The following KRT2 variants were observed in gnomAD, a reference collection of about 807,000 sequenced individuals.
KRT2 encodes the protein keratin, type II cytoskeletal 2 epidermal.
KRT2 carries 37 observed loss-of-function variants against 48.5 expected under a neutral mutation model. The ratio of observed to expected loss-of-function variants is 0.76; its 90% CI spans 0.59 to 1.00. The LOEUF is 1.00. Among genes scored for constraint, KRT2 ranks in the 50% least tolerant of loss-of-function variants. The pLI is 0.00. For missense variants in KRT2, 880 were observed against 815.2 expected (o/e 1.08, Z -0.97); for synonymous variants, 324 against 312.2 (o/e 1.04, Z -0.40).
chr12:52,647,879 T>C, intron 5 of KRT2, 24 bp from the exon 6 acceptor site: 1 of 1,613,966 alleles, frequency 6.2e-7, no homozygotes, highest in South Asian at 1.1e-5. Flanking sequence ...AAGAGGACAG[T>C]TTGCAAGGAA....
In KRT2 at chr12:52,647,776, C is replaced by T. The variant is rs749465675; in HGVS notation, c.1202G>A (p.Arg401His). ...EIKIEISELN[R>H]VIQRLQGEIA... is the part of the protein sequence containing the mutation. ...CTCCCCCTGCAGCCTCTGGATCACG[C>T]GGTTCAGCTCGCTGATCTCTATCTT... Residue 401 changes from arginine (R) to histidine (H), a missense_variant, in exon 6 of 9, where the codon CGC becomes CAC. Transcript: ENST00000309680. 20 of 1,613,884 alleles carry T rather than the reference C, an allele frequency of 1.2e-5. No individual in the cohort carries two copies. In the South Asian group the frequency reaches 1.9e-4, roughly 15 times the overall value.
rs977240203 is a variant in KRT2, at chr12:52,645,712, T to A, written c.1470-143A>T. 1.0e-5 allele frequency: 8 copies of A among 789,818 alleles called. No homozygotes were observed. The African/African-American group carries it at 1.2e-4, about 12-fold the overall frequency. The allele number at this position is 789,818 out of a possible 1,614,324, so 48.9% of individuals were successfully genotyped here. A position where few individuals can be genotyped will look rare whatever the true frequency, so the allele number is the denominator to read the frequency against. On this transcript the variant is annotated intron_variant, in intron 7 of 8. Coordinates refer to ENST00000309680, the MANE Select transcript of KRT2 (RefSeq NM_000423.3). ...TTACACACCCCACTTTCTTCTATGC[T>A]GCCAGGTCACACAATGACGACAGAC...
rs1243548021 is a variant in KRT2 at position 52,645,121 on chromosome 12, G to A, written c.1818C>T (p.Ser606=). ...HSSGGGSRGG[S]SSGGGYGSGG... Reference sequence around the variant, plus strand: ...CAGAGCCATATCCTCCTCCAGAGCTGGAGCCTCCTCTAGAGCCACCTCCAG... The same window carrying A: ...CAGAGCCATATCCTCCTCCAGAGCTAGAGCCTCCTCTAGAGCCACCTCCAG... Residue 606 remains serine (S), a synonymous_variant, in exon 9 of 9, where the codon TCC becomes TCT. Coordinates refer to ENST00000309680, the MANE Select transcript of KRT2 (RefSeq NM_000423.3). 6.2e-7 allele frequency: 1 copy of A among 1,613,490 alleles called. No individual in the cohort carries two copies. Among genetic ancestry groups the A allele is most frequent in the Non-Finnish European group, 8.5e-7 (1 of 1,179,952 alleles).
At position 52,651,640 on chromosome 12, in the gene KRT2, T is replaced by A. The variant is rs1252886330; in HGVS notation, c.503A>T (p.Asp168Val). Residue 168 changes from aspartate (D) to valine (V), a missense_variant, in exon 1 of 9, where the codon GAC becomes GTC. Asp to Val is a radical substitution (Grantham distance 152). Transcript: ENST00000309680. Reference protein sequence around the residue: ...SLLQPLNVKVDPEIQNVKAQE... With the variant: ...SLLQPLNVKVVPEIQNVKAQE... ...GGCCTTCACATTCTGGATCTCTGGG[T>A]CAACTTTCACGTTGAGAGGCTGCAG... 1 of 1,613,928 alleles carries A rather than the reference T, an allele frequency of 6.2e-7. No individual in the cohort carries two copies. Among genetic ancestry groups the A allele is most frequent in the African/African-American group, 1.3e-5 (1 of 74,876 alleles).
intron 4 of KRT2, among the ~76,000 whole-genome samples, chr12:52,648,736 C>G (rs1472784763): frequency 1.3e-5 from 2 of 152,162 alleles, no homozygotes; most frequent in Admixed American, 1.3e-4. Flanking sequence ...CAGGGCTTGT[C>G]TCTTCCCCAG....
At chr12:52,649,870 A>G in intron 3 of KRT2, 44 bp downstream of exon 3, 1 of 1,472,820 alleles carries the variant, frequency 6.8e-7, no homozygotes, top group Non-Finnish European at 9.5e-7. Flanking sequence ...GGGGCTGTGA[A>G]GCACTCCTAT....
intron 3 of KRT2, 53 bp from the exon 4 acceptor site, chr12:52,649,155 C>T: frequency 9.3e-7 from 1 of 1,079,060 alleles, no homozygotes; most frequent in Non-Finnish European, 1.4e-6. Flanking sequence ...AGGCCTCTTC[C>T]TCTCTCTGCC....
chr12:52,645,029 G>A lies in KRT2; in HGVS notation c.1910C>T (p.Ser637Phe). The A allele has an allele frequency of 6.2e-7, 1 of 1,613,966 alleles. No individual in the cohort carries two copies. ...GEAFGSSVTF[S>F]FR ...GGTGGGGGCTCATCTTTATCTAAAA[G>A]AGAAGGTCACGCTGGAACCAAAAGC... The change falls in exon 9 of 9, where the codon TCT becomes TTT. Residue 637 changes from serine (S) to phenylalanine (F), a missense_variant. Ser to Phe is a radical substitution (Grantham distance 155). Transcript: ENST00000309680.
intron 7 of KRT2, among the ~76,000 whole-genome samples, chr12:52,646,451 C>G (rs1941162425): frequency 6.6e-6 from 1 of 152,232 alleles, no homozygotes; most frequent in African/African-American, 2.4e-5. Flanking sequence ...TAGGACTAAC[C>G]TGTTTTCCCA....
At position 52,647,859 on chromosome 12, in the gene KRT2, A is replaced by C; in HGVS notation, c.1123-4T>G. 19 of 1,613,852 alleles carry C rather than the reference A, an allele frequency of 1.2e-5. No individual in the cohort carries two copies. Among genetic ancestry groups the C allele is most frequent in the Non-Finnish European group, 1.6e-5 (19 of 1,179,888 alleles). On this transcript the variant is annotated splice_polypyrimidine_tract_variant and splice_region_variant and intron_variant, in intron 5 of 8. Coordinates refer to ENST00000309680, the MANE Select transcript of KRT2 (RefSeq NM_000423.3). ...CAGTCACCTGGAGCTCCTCATACTG[A>C]TATGGGGAGAAGAGGACAGTTTGCA...
chr12:52,648,116 G>A (rs1565639252), intron 5 of KRT2, 57 bp downstream of exon 5: 2 of 1,560,440 alleles, frequency 1.3e-6, no homozygotes, highest in Non-Finnish European at 1.8e-6. Context: ...TCCAGCTGGG[G>A]GTGCAACCCA....
chr12:52,651,538 G>A lies in KRT2; in HGVS notation c.585+20C>T, dbSNP rs1307334166. On this transcript the variant is annotated intron_variant, in intron 1 of 8. Coordinates refer to ENST00000309680, the MANE Select transcript of KRT2 (RefSeq NM_000423.3). ...TGAAGTGGCCTGAGCATCAGTGGGAGCCGTCTTCTCCAGAGTCACCTTGTC... is the reference window on the plus strand; with the variant it reads ...TGAAGTGGCCTGAGCATCAGTGGGAACCGTCTTCTCCAGAGTCACCTTGTC... 3 of 1,562,366 alleles carry A rather than the reference G, an allele frequency of 1.9e-6. No homozygotes were observed. Among genetic ancestry groups the A allele is most frequent in the East Asian group, 2.2e-5 (1 of 44,638 alleles).
At position 52,651,730 on chromosome 12, in the gene KRT2, G is replaced by A; in HGVS notation, c.413C>T (p.Pro138Leu). The A allele has an allele frequency of 3.1e-6, 5 of 1,613,872 alleles. No individual in the cohort carries two copies. Among genetic ancestry groups the A allele is most frequent in the Non-Finnish European group, 3.4e-6 (4 of 1,179,948 alleles). ...GTATCCTCCAGGCCCAAAGCCACCA[G>A]GACCCCCTAAACCTCCAACACCACC... ...GPGGVGGLGG[P>L]GGFGPGGYPG... is the part of the protein sequence containing the mutation. Residue 138 changes from proline (P) to leucine (L), a missense_variant, in exon 1 of 9, where the codon CCT (proline) becomes CTT (leucine). Pro to Leu is a moderately conservative substitution (Grantham distance 98, BLOSUM62 -3). Transcript: ENST00000309680.
chr12:52,646,569 A>G (rs1941164351), intron 7 of KRT2, among the ~76,000 whole-genome samples, 171 bp downstream of exon 7: 2 of 152,148 alleles, frequency 1.3e-5, no homozygotes, highest in African/African-American at 2.4e-5. Context: ...TAACTCTCCA[A>G]TCATGCTTTA....
intron 2 of KRT2, 111 bp from the exon 3 acceptor site, chr12:52,650,085 C>G: frequency 1.2e-6 from 1 of 847,220 alleles, no homozygotes; most frequent in Admixed American, 1.8e-5. Flanking sequence ...ATATTACACA[C>G]TTTTTAAATA....
intron 5 of KRT2, 96 bp downstream of exon 5, chr12:52,648,077 C>CA (rs1267692135): frequency 1.2e-5 from 18 of 1,455,312 alleles, no homozygotes; most frequent in Middle Eastern, 1.7e-4. Flanking sequence ...TACCATTAAA[C>CA]AAAAAACCAA....
chr12:52,650,624 G>A, intron 1 of KRT2, 71 bp from the exon 2 acceptor site: 1 of 1,271,612 alleles, frequency 7.9e-7, no homozygotes, highest in Non-Finnish European at 1.1e-6. Context: ...CGCTGGCCAG[G>A]GGCAGCTCAG....
chr12:52,646,809 A>C lies in KRT2; in HGVS notation c.1400T>G (p.Met467Arg). 3.7e-6 allele frequency: 6 copies of C among 1,614,090 alleles called. No homozygotes were observed. Among genetic ancestry groups the C allele is most frequent in the Non-Finnish European group, 5.1e-6 (6 of 1,180,006 alleles). ...CACATCTAGGGCCAGCTTCACGTTC[A>C]TCAGCTCCTGGTAGTCACGCAGCAG... ...ARLLRDYQELMNVKLALDVEI... is the reference protein window; with the variant it reads ...ARLLRDYQELRNVKLALDVEI... The change falls in exon 7 of 9, where the codon ATG (methionine) becomes AGG (arginine). Residue 467 changes from methionine (M) to arginine (R), a missense_variant. By Grantham distance (91) the Met-to-Arg change is moderately conservative (BLOSUM62 -1). Coordinates refer to ENST00000309680, the MANE Select transcript of KRT2 (RefSeq NM_000423.3).
chr12:52,644,625 G>T lies in KRT2; in HGVS notation c.*394C>A. 2 of 263,480 alleles carry T rather than the reference G, an allele frequency of 7.6e-6. No individual in the cohort carries two copies. The highest frequency in any genetic ancestry group is 5.2e-5 in the South Asian group (1 of 19,282). 16.3% of individuals were successfully genotyped at this position (263,480 alleles called of 1,614,324 possible). A position where few individuals can be genotyped will look rare whatever the true frequency, so the allele number is the denominator to read the frequency against. On this transcript the variant is annotated 3_prime_UTR_variant, in exon 9 of 9. Transcript: ENST00000309680. ...GCACTTCCGAAAGCAGAGTGGACAAGAGGAGCTATATACACAGAAACACAT... is the reference window on the plus strand; with the variant it reads ...GCACTTCCGAAAGCAGAGTGGACAATAGGAGCTATATACACAGAAACACAT...
Sources: gnomAD v4.1 joint callset for allele counts (sites outside exome capture counted in the v4.1 genomes callset) on GRCh38, gnomAD v4.1.1 for gene constraint, MANE v1.5 for transcripts, NCBI Gene and HGNC (gene_info 2026-07-23, HGNC 2026-07-21) for gene names.